Variants in PDLIM2 observed in about 807,000 individuals in gnomAD.
The protein encoded by PDLIM2 is PDZ and LIM domain protein 2.
In PDLIM2, 51 loss-of-function variants were observed where a neutral mutation model predicts 54.1. The observed-to-expected ratio is 0.94, with a 90% CI of 0.75 to 1.19. PDLIM2 has a LOEUF of 1.19. Ranked by LOEUF, PDLIM2 falls within the 50% of genes most tolerant of loss-of-function variation. The pLI, the probability that PDLIM2 is intolerant of heterozygous loss-of-function variation, is 0.00. For synonymous variants in PDLIM2, 398 were observed against 385.6 expected, an observed-to-expected ratio of 1.03 and a Z score of -0.38; for missense variants, 912 against 874.0, an observed-to-expected ratio of 1.04 and a Z score of -0.55.
exon 1 of PDLIM2, chr8:22,579,017 G>A: frequency 8.0e-7 from 1 of 1,243,130 alleles, no homozygotes; most frequent in East Asian, 3.2e-5. Flanking sequence ...AGGTGGCAGC[G>A]CCTGGGCTCG....
In PDLIM2 at chr8:22,581,541, C is replaced by T. The variant is rs1324275180; in HGVS notation, c.995+11C>T. The T allele has an allele frequency of 6.4e-7, 1 of 1,563,230 alleles. No individual in the cohort carries two copies. The highest frequency in any genetic ancestry group is 1.2e-5 in the South Asian group (1 of 83,284). On this transcript the variant is annotated intron_variant, in intron 3 of 9. Coordinates refer to ENST00000308354, the Ensembl canonical transcript of PDLIM2. ...GCTGCAGCTGGACCGGTAGGGCCTC[C>T]CGCTCTGCAGAGCCTGTGGCATTCC... is the stretch of plus-strand genomic sequence containing the variant.
In PDLIM2 at chr8:22,589,288, C is replaced by A; in HGVS notation, c.1291-10C>A. 6.5e-7 allele frequency: 1 copy of A among 1,533,866 alleles called. No individual in the cohort carries two copies. Among genetic ancestry groups the A allele is most frequent in the Non-Finnish European group, 8.7e-7 (1 of 1,146,298 alleles). ...GCCCTGACTCCTCCCCGGCTGCCTCCTCCCAACAGGCCGGCCTCGGCCGCG... is the reference window on the plus strand; with the variant it reads ...GCCCTGACTCCTCCCCGGCTGCCTCATCCCAACAGGCCGGCCTCGGCCGCG... On this transcript the variant is annotated splice_polypyrimidine_tract_variant and intron_variant, in intron 6 of 9. Coordinates refer to ENST00000308354, the Ensembl canonical transcript of PDLIM2.
At chr8:22,583,584 G>A (rs941709113) in intron 3 of PDLIM2, among the ~76,000 whole-genome samples, 2 of 151,966 alleles carry the variant, frequency 1.3e-5, no homozygotes, top group Non-Finnish European at 2.9e-5. Context: ...TGGCCAATAC[G>A]GCGAAACCCC....
At chr8:22,579,066 G>A in exon 1 of PDLIM2, 1 of 1,249,164 alleles carries the variant, frequency 8.0e-7, no homozygotes, top group South Asian at 3.6e-5. Flanking sequence ...AGGGGCGGCG[G>A]CAGGGGCGGC....
intron 3 of PDLIM2, among the ~76,000 whole-genome samples, chr8:22,582,155 C>T (rs148111714): frequency 8.5e-5 from 13 of 152,310 alleles, no homozygotes; most frequent in Admixed American, 2.0e-4. Flanking sequence ...AGTCACAGAT[C>T]GGGAATGCCA....
At chr8:22,579,713 C>A (rs1475467149) in intron 1 of PDLIM2, 17 of 636,336 alleles carry the variant, frequency 2.7e-5, no homozygotes, top group Non-Finnish European at 1.7e-5. Context: ...GGGTGCTGGG[C>A]AGGGTGGTGC....
chr8:22,580,771 C>T (rs903432913), intron 2 of PDLIM2, 74 bp downstream of exon 1: 1 of 1,464,412 alleles, frequency 6.8e-7, no homozygotes, highest in Non-Finnish European at 9.5e-7. Flanking sequence ...CCACTCTGCA[C>T]AGATGGCTTG....
At chr8:22,594,416 A>G, downstream of PDLIM2, 4 of 1,580,410 alleles carry the variant, frequency 2.5e-6, no homozygotes, top group Non-Finnish European at 3.5e-6. Flanking sequence ...CCTCCCTCAA[A>G]TCCCACCCCT....
intron 6 of PDLIM2, 37 bp from the exon 6 acceptor site, chr8:22,589,261 T>C (rs1224322479): frequency 2.9e-5 from 44 of 1,532,198 alleles, no homozygotes; most frequent in Non-Finnish European, 3.7e-5. Context: ...CCCAAGGCTC[T>C]GGCCCTGACT....
chr8:22,584,828 G>A (rs776275089), exon 4 of PDLIM2: 2 of 1,614,008 alleles, frequency 1.2e-6, no homozygotes, highest in Non-Finnish European at 1.7e-6. Context: ...CAGGTCTCAG[G>A]CTACGTCTCC....
exon 4 of PDLIM2, chr8:22,584,855 G>A: frequency 6.2e-7 from 1 of 1,614,164 alleles, no homozygotes; most frequent in Non-Finnish European, 8.5e-7. Context: ...GACCAATGGG[G>A]ACAGCTCCTT....
chr8:22,594,251 G>A, exon 10 of PDLIM2: 2 of 1,393,984 alleles, frequency 1.4e-6, no homozygotes, highest in Non-Finnish European at 1.9e-6. Flanking sequence ...ACTGTGTAAA[G>A]TTTTTGACAT....
chr8:22,583,496 T>G (rs1223339949), intron 3 of PDLIM2, among the ~76,000 whole-genome samples: 1 of 152,182 alleles, frequency 6.6e-6, no homozygotes, highest in Non-Finnish European at 1.5e-5. Flanking sequence ...CCGGGCGCAG[T>G]GGCTCACACC....
rs1279026678 is a variant in PDLIM2, at chr8:22,580,751, C to T, written c.843+54C>T. 2.6e-6 allele frequency: 4 copies of T among 1,547,948 alleles called. No individual in the cohort carries two copies. In the South Asian group the frequency reaches 3.4e-5, roughly 13 times the overall value. On this transcript the variant is annotated intron_variant, in intron 2 of 9. Transcript: ENST00000308354. ...AGGTCCTGCCAGAAGCGAGGTCGGC[C>T]CTGTTCACCCCACTCTGCACAGATG...
rs1324109378 is a variant in PDLIM2, at chr8:22,579,515, G to A, written c.736G>A (p.Asp246Asn). Residue 246 changes from aspartate to asparagine, a missense_variant, in exon 1 of 10, where the codon GAC becomes AAC. Asp to Asn is a conservative substitution (Grantham distance 23). Transcript: ENST00000308354. ...CGGCGCCCGCAGCGCGGAGTCCACT[G>A]ACCGGCTCAAAGGTCTGGGAATCTC... is the stretch of plus-strand genomic sequence containing the variant. 2 of 1,504,502 alleles carry A rather than the reference G, an allele frequency of 1.3e-6. No homozygotes were observed. Among genetic ancestry groups the A allele is most frequent in the Non-Finnish European group, 1.8e-6 (2 of 1,132,764 alleles). The allele number at this position is 1,504,502 out of a possible 1,614,324, so 93.2% of individuals were successfully genotyped here.
At chr8:22,594,677 G>T (rs778280304), downstream of PDLIM2, 1 of 1,595,296 alleles carries the variant, frequency 6.3e-7, no homozygotes, top group Non-Finnish European at 8.5e-7. Flanking sequence ...AGGACCGGCC[G>T]CCCACCAAGG....
downstream of PDLIM2, chr8:22,594,679 C>T: frequency 6.3e-7 from 1 of 1,594,392 alleles, no homozygotes; most frequent in Non-Finnish European, 8.5e-7. Flanking sequence ...GACCGGCCGC[C>T]CACCAAGGGT....
At chr8:22,594,829 C>A, downstream of PDLIM2, 1 of 933,122 alleles carries the variant, frequency 1.1e-6, no homozygotes, top group Non-Finnish European at 1.5e-6. Context: ...CTGGGGAGGC[C>A]TGAGGAGCCC....
In PDLIM2 at chr8:22,579,093, C is replaced by T. The variant is rs930880372; in HGVS notation, c.314C>T (p.Ala105Val). 1.4e-4 allele frequency: 178 copies of T among 1,265,538 alleles called. 1 individual carries two copies. The East Asian group carries it at 5.6e-3, about 40-fold the overall frequency. The allele number at this position is 1,265,538 out of a possible 1,614,324, so 78.4% of individuals were successfully genotyped here. The change falls in exon 1 of 10, where the codon GCG (alanine) becomes GTG (valine). Residue 105 changes from alanine (A) to valine (V), a missense_variant. Physicochemically the swap from Ala to Val is moderately conservative, Grantham distance 64 (BLOSUM62 0). Transcript: ENST00000308354. ...AGGGGCGGCCCCGGGATCACATGGG[C>T]GGAGGCAGGTCCGGGAGCCCCGGGC... is the stretch of plus-strand genomic sequence containing the variant.
Sources: gnomAD v4.1 joint callset for allele counts (sites outside exome capture counted in the v4.1 genomes callset) on GRCh38, gnomAD v4.1.1 for gene constraint, MANE v1.5 for transcripts, NCBI Gene and HGNC (gene_info 2026-07-23, HGNC 2026-07-21) for gene names.